ATP9A: variants seen among roughly 807,000 people sequenced by gnomAD.
ATP9A encodes the protein probable phospholipid-transporting ATPase IIA.
In ATP9A, 52 loss-of-function variants were observed where a neutral mutation model predicts 144.1. The observed-to-expected ratio is 0.36, with a 90% CI of 0.29 to 0.45. ATP9A has a LOEUF of 0.45. Among genes scored for constraint, ATP9A ranks in the 20% least tolerant of loss-of-function variants. The pLI is 1.00. For missense variants in ATP9A, 947 were observed against 1,392.7 expected, an observed-to-expected ratio of 0.68 and a Z score of 5.09; for synonymous variants, 582 against 557.4, an observed-to-expected ratio of 1.04 and a Z score of -0.62.
Position 51,657,076 on chromosome 20 carries a change from C to A in ATP9A, c.1368G>T (p.Val456=), listed in dbSNP as rs977730301. 2.5e-6 allele frequency: 4 copies of A among 1,614,182 alleles called. No individual in the cohort carries two copies. Among genetic ancestry groups the A allele is most frequent in the Non-Finnish European group, 3.4e-6 (4 of 1,180,036 alleles). The part of the protein sequence containing the change: ...TKVRRTMSSR[V]HEAVKAIALC... ...GCGCGATGGCCTTCACGGCTTCGTGCACGCGGCTGCTCATGGTCCGCCGGA... is the reference window on the plus strand; with the variant it reads ...GCGCGATGGCCTTCACGGCTTCGTGAACGCGGCTGCTCATGGTCCGCCGGA... Residue 456 remains valine, a synonymous_variant, in exon 14 of 28, where the codon GTG becomes GTT. Transcript: ENST00000338821.
intron 22 of ATP9A, among the ~76,000 whole-genome samples, chr20:51,616,289 G>A (rs988508802): frequency 7.9e-5 from 12 of 152,056 alleles, no homozygotes; most frequent in African/African-American, 1.4e-4. Flanking sequence ...TGCCCCCTCC[G>A]GGCCTTGGCA....
At chr20:51,665,214 C>G (rs1331392483) in intron 13 of ATP9A, among the ~76,000 whole-genome samples, 1 of 149,526 alleles carries the variant, frequency 6.7e-6, no homozygotes, top group Non-Finnish European at 1.5e-5. Flanking sequence ...AATCCAGAGA[C>G]AGAAAGTAGA....
chr20:51,657,066 C>T lies in ATP9A; in HGVS notation c.1378G>A (p.Val460Met), dbSNP rs199887924. 1.5e-5 allele frequency: 25 copies of T among 1,614,178 alleles called. No homozygotes were observed. Among genetic ancestry groups the T allele is most frequent in the East Asian group, 2.2e-5 (1 of 44,872 alleles). Residue 460 changes from valine to methionine, a missense_variant, in exon 14 of 28, where the codon GTG becomes ATG. This residue lies in a region of ATP9A where 770 missense variants were observed against 1,047.9 expected (regional missense o/e 0.73). Transcript: ENST00000338821. ...TTGTGGCAGAGCGCGATGGCCTTCA[C>T]GGCTTCGTGCACGCGGCTGCTCATG... Reference protein sequence around the residue: ...RTMSSRVHEAVKAIALCHNVT... With the variant: ...RTMSSRVHEAMKAIALCHNVT...
chr20:51,619,971 G>A lies in ATP9A; in HGVS notation c.2116-928C>T, dbSNP rs578049779. On this transcript the variant is annotated intron_variant, in intron 19 of 27. Transcript: ENST00000338821. ...TTTATTTCTCACAACGGCTCTATGAGGTGCCAAAAAGAAGAAGCTCTATTT... is the reference window on the plus strand; with the variant it reads ...TTTATTTCTCACAACGGCTCTATGAAGTGCCAAAAAGAAGAAGCTCTATTT... Among the ~76,000 whole-genome samples, 6 of 151,828 alleles carry A rather than the reference G, an allele frequency of 4.0e-5. No homozygotes were observed. The South Asian group carries it at 1.2e-3, about 31-fold the overall frequency.
intron 13 of ATP9A, among the ~76,000 whole-genome samples, chr20:51,664,657 A>G (rs2077425052): frequency 6.6e-6 from 1 of 152,190 alleles, no homozygotes; most frequent in Admixed American, 6.5e-5. Context: ...CAATTAGCTA[A>G]TATCTCAAAA....
chr20:51,752,167 G>A (rs1369017275), intron 1 of ATP9A, among the ~76,000 whole-genome samples: 1 of 152,210 alleles, frequency 6.6e-6, no homozygotes, highest in Non-Finnish European at 1.5e-5. Context: ...AGACCTGGGA[G>A]ACAAGAGACA....
intron 14 of ATP9A, among the ~76,000 whole-genome samples, chr20:51,645,144 C>A (rs926515924): frequency 2.6e-5 from 4 of 152,340 alleles, no homozygotes; most frequent in African/African-American, 9.6e-5. Flanking sequence ...TCTTCTAGAG[C>A]AAGCCTCTCA....
At chr20:51,668,227 G>C (rs2122784270) in intron 13 of ATP9A, among the ~76,000 whole-genome samples, 1 of 151,214 alleles carries the variant, frequency 6.6e-6, no homozygotes, top group South Asian at 2.1e-4. Flanking sequence ...GGTGGGAGCA[G>C]GTACTGGAGA....
At chr20:51,712,587 GTA>G (rs1292380571) in intron 4 of ATP9A, among the ~76,000 whole-genome samples, 15 of 152,346 alleles carry the variant, frequency 9.8e-5, no homozygotes, top group African/African-American at 3.6e-4. Flanking sequence ...TGCCAAAAGA[GTA>G]TCTTTGAAAA....
At position 51,676,216 on chromosome 20, in the gene ATP9A, G is replaced by T; in HGVS notation, c.800-8C>A. 6.5e-7 allele frequency: 1 copy of T among 1,544,552 alleles called. No individual in the cohort carries two copies. Among genetic ancestry groups the T allele is most frequent in the Non-Finnish European group, 8.7e-7 (1 of 1,151,458 alleles). On this transcript the variant is annotated splice_polypyrimidine_tract_variant and splice_region_variant and intron_variant, in intron 9 of 27. Transcript: ENST00000338821. ...CAACACCCACAACAGTACCTAAAAT[G>T]GAAAAAAGAAAAAAAAAAAAAGAAA...
At chr20:51,638,071 T>TTA (rs56043552) in intron 15 of ATP9A, among the ~76,000 whole-genome samples, 409 of 33,922 alleles carry the variant, frequency 0.012, 9 homozygotes, top group Non-Finnish European at 0.018. Flanking sequence ...TTTCATCATT[T>TTA]TATATATATA....
At chr20:51,730,939 CAAG>C (rs1199851490) in intron 1 of ATP9A, among the ~76,000 whole-genome samples, 2 of 152,156 alleles carry the variant, frequency 1.3e-5, no homozygotes, top group East Asian at 3.9e-4. Flanking sequence ...GAGGCCAAAG[CAAG>C]AAGATCATTT....
intron 2 of ATP9A, among the ~76,000 whole-genome samples, chr20:51,729,215 T>C (rs2077728929): frequency 6.6e-6 from 1 of 152,206 alleles, no homozygotes; most frequent in Admixed American, 6.5e-5. Context: ...TTGGTCATAA[T>C]GCTAGGTCCC....
intron 14 of ATP9A, among the ~76,000 whole-genome samples, chr20:51,653,124 C>A (rs1368488412): frequency 5.1e-4 from 75 of 148,026 alleles, no homozygotes; most frequent in African/African-American, 1.3e-3. Flanking sequence ...AAAAAAACAA[C>A]CACAGCAAAA....
intron 6 of ATP9A, 113 bp from the exon 7 acceptor site, chr20:51,694,215 C>A (rs1051552842): frequency 2.8e-6 from 2 of 711,202 alleles, no homozygotes; most frequent in Non-Finnish European, 4.8e-6. Flanking sequence ...GGCCAGCGAC[C>A]ACAAGAGAAA....
intron 26 of ATP9A, 26 bp downstream of exon 26, chr20:51,607,501 A>T: frequency 6.3e-7 from 1 of 1,589,516 alleles, no homozygotes; most frequent in Non-Finnish European, 8.6e-7. Flanking sequence ...AGCACAAGAC[A>T]AACAGGTGTC....
At chr20:51,748,630 G>A (rs1036819079) in intron 1 of ATP9A, among the ~76,000 whole-genome samples, 20 of 152,214 alleles carry the variant, frequency 1.3e-4, no homozygotes, top group African/African-American at 4.8e-4. Flanking sequence ...TGCCAGCAAG[G>A]ATCCAAGATG....
chr20:51,701,369 C>T (rs973742869), intron 4 of ATP9A, among the ~76,000 whole-genome samples: 2 of 152,208 alleles, frequency 1.3e-5, no homozygotes, highest in East Asian at 3.9e-4. Flanking sequence ...ATTGTTTTTC[C>T]ATTAAGCGTA....
At chr20:51,626,272 T>C (rs2077248116) in intron 17 of ATP9A, among the ~76,000 whole-genome samples, 2 of 152,206 alleles carry the variant, frequency 1.3e-5, no homozygotes, top group Non-Finnish European at 2.9e-5. Flanking sequence ...GCAGATCACC[T>C]GAGGTCAGGA....
Sources: allele counts gnomAD v4.1 joint callset (sites outside exome capture counted in the v4.1 genomes callset), GRCh38; gene constraint gnomAD v4.1.1; regional missense constraint gnomAD v4.1.1; transcripts MANE v1.5; gene names NCBI Gene and HGNC (gene_info 2026-07-23, HGNC 2026-07-21).